Variants in DAAM1 observed in about 807,000 individuals in gnomAD.
DAAM1 encodes the protein disheveled-associated activator of morphogenesis 1.
A neutral mutation model predicts 130.0 loss-of-function variants in DAAM1; 52 were observed. That is an observed-to-expected ratio of 0.40 (90% confidence interval 0.32 to 0.50). The LOEUF (loss-of-function observed/expected upper bound fraction) is 0.50, where lower values mean the gene tolerates loss of function less well. Ranked by LOEUF, DAAM1 falls within the 20% of genes least tolerant of loss-of-function variation. The pLI is 0.61. For synonymous variants in DAAM1, 452 were observed against 444.5 expected, an observed-to-expected ratio of 1.02 and a Z score of -0.21; for missense variants, 1,134 against 1,303.8, an observed-to-expected ratio of 0.87 and a Z score of 2.01.
chr14:59,361,272 T>G (rs558523732), intron 22 of DAAM1, among the ~76,000 whole-genome samples: 1 of 152,246 alleles, frequency 6.6e-6, no homozygotes, highest in African/African-American at 2.4e-5. Flanking sequence ...CTTGGTCCTT[T>G]GGGGAGTATT....
intron 1 of DAAM1, among the ~76,000 whole-genome samples, chr14:59,193,046 C>T (rs1594749143): frequency 1.3e-5 from 2 of 149,610 alleles, no homozygotes; most frequent in East Asian, 1.9e-4. Flanking sequence ...GAGCGAGACT[C>T]CGTCTCAAAA....
At chr14:59,206,667 C>T (rs1039172190) in intron 1 of DAAM1, among the ~76,000 whole-genome samples, 68 of 152,180 alleles carry the variant, frequency 4.5e-4, no homozygotes, top group Admixed American at 1.3e-4. Flanking sequence ...TCTAGAATGC[C>T]GGGTGTAAAC....
chr14:59,340,549 CTCTT>C (rs1408234132), intron 16 of DAAM1, among the ~76,000 whole-genome samples: 5 of 152,144 alleles, frequency 3.3e-5, no homozygotes, highest in South Asian at 2.1e-4. Context: ...CAGATGAAGG[CTCTT>C]TGTTTTATTT....
intron 2 of DAAM1, chr14:59,264,819 A>G (rs1468708149): frequency 1.3e-5 from 2 of 151,924 alleles, no homozygotes; most frequent in Non-Finnish European, 2.9e-5. Flanking sequence ...CCAATCCACC[A>G]TCCCCCTGCC....
chr14:59,317,350 A>G (rs542675373), intron 4 of DAAM1, among the ~76,000 whole-genome samples: 1 of 152,298 alleles, frequency 6.6e-6, no homozygotes, highest in African/African-American at 2.4e-5. Context: ...CAGAAACCCT[A>G]TGCTGAGTTT....
In DAAM1 at chr14:59,309,715, G is replaced by A. The variant is rs372930825; in HGVS notation, c.274-5565G>A. On this transcript the variant is annotated intron_variant, in intron 3 of 24. Coordinates refer to ENST00000360909, the MANE Select transcript of DAAM1 (RefSeq NM_001270520.2). ...CTGGCTCCTTACAGGAAAAGTTTGC[G>A]ACCCTTGGTTGTTCCAGATTGTTCC... 4.6e-5 allele frequency among the ~76,000 whole-genome samples: 7 copies of A among 152,306 alleles called. No homozygotes were observed. The East Asian group carries it at 5.8e-4, about 13-fold the overall frequency.
intron 4 of DAAM1, among the ~76,000 whole-genome samples, chr14:59,317,247 C>G (rs1219852694): frequency 1.3e-5 from 2 of 152,172 alleles, no homozygotes; most frequent in Non-Finnish European, 2.9e-5. Context: ...CAACATCTTT[C>G]CAGGGTCAAA....
chr14:59,237,596 T>C (rs527445750), intron 1 of DAAM1, among the ~76,000 whole-genome samples: 1 of 152,340 alleles, frequency 6.6e-6, no homozygotes, highest in South Asian at 2.1e-4. Context: ...ATATTTACGC[T>C]ATTGGGCCTA....
rs2139649253 is a variant in DAAM1, at chr14:59,340,095, G to T, written c.1990G>T (p.Asp664Tyr). 1 of 1,613,528 alleles carries T rather than the reference G, an allele frequency of 6.2e-7. No individual in the cohort carries two copies. ...ACAGAAAGAAGCAGATGCCATTGAT[G>T]ACACTCTGAGTTCCAAACTTAAAGT... ...RQQKEADAID[D>Y]TLSSKLKVKE... Residue 664 changes from aspartate to tyrosine, a missense_variant, in exon 16 of 25, where the codon GAC (aspartate) becomes TAC (tyrosine). Asp to Tyr is a radical substitution (Grantham distance 160). Coordinates refer to ENST00000360909, the MANE Select transcript of DAAM1 (RefSeq NM_001270520.2).
At chr14:59,345,163 T>C (rs1886022092) in intron 16 of DAAM1, among the ~76,000 whole-genome samples, 1 of 152,106 alleles carries the variant, frequency 6.6e-6, no homozygotes, top group African/African-American at 2.4e-5. Flanking sequence ...ATGCTGCGAG[T>C]CGGTTTTTCC....
intron 22 of DAAM1, 128 bp downstream of exon 22, chr14:59,360,990 A>G (rs562203687): frequency 6.7e-5 from 49 of 728,030 alleles, no homozygotes; most frequent in Non-Finnish European, 9.4e-5. Flanking sequence ...TTAAAAAATA[A>G]GAACCACCAC....
chr14:59,353,085 A>C (rs1466617078), intron 18 of DAAM1, among the ~76,000 whole-genome samples: 2 of 152,218 alleles, frequency 1.3e-5, no homozygotes, highest in Non-Finnish European at 2.9e-5. Context: ...TAGATGTCAG[A>C]TCATGACACA....
intron 1 of DAAM1, among the ~76,000 whole-genome samples, chr14:59,212,553 C>T (rs532267592): frequency 6.6e-6 from 1 of 152,286 alleles, no homozygotes; most frequent in South Asian, 2.1e-4. Flanking sequence ...ATACAGGAGA[C>T]ATGTTCTTCC....
intron 1 of DAAM1, among the ~76,000 whole-genome samples, chr14:59,217,847 C>T (rs905324089): frequency 5.3e-5 from 8 of 151,890 alleles, no homozygotes; most frequent in African/African-American, 1.2e-4. Context: ...ATTAGCCGGG[C>T]GTGGTGGTGG....
chr14:59,288,726 A>C (rs1344060409), intron 2 of DAAM1, among the ~76,000 whole-genome samples: 2 of 152,048 alleles, frequency 1.3e-5, no homozygotes, highest in Non-Finnish European at 2.9e-5. Flanking sequence ...AAAGAGGTTT[A>C]ATTGACTCAC....
rs57103881 is a variant in DAAM1, at chr14:59,212,021, G to A, written c.-38+23253G>A. Among the ~76,000 whole-genome samples, 11 of 152,212 alleles carry A rather than the reference G, an allele frequency of 7.2e-5. No homozygotes were observed. In the East Asian group the frequency reaches 1.5e-3, roughly 21 times the overall value. On this transcript the variant is annotated intron_variant, in intron 1 of 24. Transcript: ENST00000360909. ...AATTCTTATTTTAAGTGAAATATGT[G>A]ATTGCTAGATTCACATTTTGTAACT... is the stretch of plus-strand genomic sequence containing the variant.
At chr14:59,339,199 T>A (rs1470519705) in intron 15 of DAAM1, among the ~76,000 whole-genome samples, 1 of 152,240 alleles carries the variant, frequency 6.6e-6, no homozygotes, top group African/African-American at 2.4e-5. Context: ...AGATTCTTTA[T>A]CTTTGTGTAA....
At chr14:59,255,314 G>A (rs1232027479) in intron 1 of DAAM1, among the ~76,000 whole-genome samples, 3 of 152,138 alleles carry the variant, frequency 2.0e-5, no homozygotes, top group Admixed American at 6.5e-5. Context: ...TGATGGAGAG[G>A]ATGTTGAAAC....
intron 17 of DAAM1, among the ~76,000 whole-genome samples, chr14:59,352,219 T>C (rs1316777621): frequency 6.6e-6 from 1 of 152,154 alleles, no homozygotes; most frequent in Non-Finnish European, 1.5e-5. Flanking sequence ...GATGAGAGCA[T>C]TGACTCCCTA....
Sources: gnomAD v4.1 joint callset for allele counts (sites outside exome capture counted in the v4.1 genomes callset) on GRCh38, gnomAD v4.1.1 for gene constraint, MANE v1.5 for transcripts, NCBI Gene and HGNC (gene_info 2026-07-23, HGNC 2026-07-21) for gene names.